Variants in DCC observed in about 807,000 individuals in gnomAD.
The protein encoded by DCC is netrin receptor DCC.
A neutral mutation model predicts 172.5 loss-of-function variants in DCC; 58 were observed. That is an observed-to-expected ratio of 0.34 (90% CI 0.27 to 0.42). DCC has a LOEUF of 0.42. Ranked by LOEUF, DCC falls within the 10% of genes least tolerant of loss-of-function variation. DCC has a pLI of 1.00. For missense variants in DCC, 1,740 were observed against 1,791.0 expected, an observed-to-expected ratio of 0.97 and a Z score of 0.51; for synonymous variants, 709 against 644.5, an observed-to-expected ratio of 1.10 and a Z score of -1.52.
intron 9 of DCC, among the ~76,000 whole-genome samples, chr18:53,196,996 C>G (rs1387596042): frequency 6.6e-6 from 1 of 152,014 alleles, no homozygotes; most frequent in Admixed American, 6.6e-5. Context: ...TTTGATGTTG[C>G]ATTCCCCATA....
intron 7 of DCC, among the ~76,000 whole-genome samples, chr18:53,067,517 G>A (rs1160837817): frequency 4.6e-5 from 7 of 152,072 alleles, no homozygotes; most frequent in African/African-American, 1.7e-4. Flanking sequence ...GCAAGACTCT[G>A]TCACAAAAAA....
intron 3 of DCC, among the ~76,000 whole-genome samples, chr18:52,907,741 C>T (rs555099315): frequency 7.2e-5 from 11 of 152,204 alleles, no homozygotes; most frequent in African/African-American, 2.6e-4. Flanking sequence ...ACTTACTTGT[C>T]CATTCACATG....
At chr18:52,707,913 G>A (rs2036235406) in intron 1 of DCC, among the ~76,000 whole-genome samples, 1 of 152,150 alleles carries the variant, frequency 6.6e-6, no homozygotes, top group South Asian at 2.1e-4. Context: ...AGTTAGATAG[G>A]AGAAGTAAGT....
chr18:52,584,168 G>A (rs2033618329), intron 1 of DCC, among the ~76,000 whole-genome samples: 1 of 152,142 alleles, frequency 6.6e-6, no homozygotes, highest in South Asian at 2.1e-4. Context: ...CTTCTTTGAT[G>A]AATTCTACAC....
At chr18:52,957,823 G>A (rs181695487) in intron 5 of DCC, among the ~76,000 whole-genome samples, 3 of 152,164 alleles carry the variant, frequency 2.0e-5, no homozygotes, top group East Asian at 1.9e-4. Flanking sequence ...GGTTTAAGAG[G>A]CAAGCAAGAA....
intron 5 of DCC, among the ~76,000 whole-genome samples, chr18:53,040,367 A>T (rs185275809): frequency 6.6e-6 from 1 of 152,094 alleles, no homozygotes; most frequent in East Asian, 1.9e-4. Flanking sequence ...TGTATTCTGT[A>T]AAACCAGAAT....
At chr18:52,713,705 A>G (rs1353043299) in intron 1 of DCC, among the ~76,000 whole-genome samples, 18 of 152,098 alleles carry the variant, frequency 1.2e-4, no homozygotes, top group Admixed American at 1.2e-3. Context: ...ATTTCAGGTT[A>G]TTTGTCATCT....
At chr18:52,699,409 TC>T (rs777804525) in intron 1 of DCC, among the ~76,000 whole-genome samples, 1 of 151,840 alleles carries the variant, frequency 6.6e-6, no homozygotes, top group Admixed American at 6.6e-5. Flanking sequence ...TTATCCCCTA[TC>T]CCCCCCAAGG....
chr18:53,277,071 T>C (rs973145274), intron 12 of DCC, among the ~76,000 whole-genome samples: 1 of 152,270 alleles, frequency 6.6e-6, no homozygotes, highest in Admixed American at 6.5e-5. Context: ...TGTAAGTGCA[T>C]ACAAGTTTTT....
chr18:52,989,664 T>C (rs1489287648), intron 5 of DCC, among the ~76,000 whole-genome samples: 1 of 152,176 alleles, frequency 6.6e-6, no homozygotes, highest in Non-Finnish European at 1.5e-5. Flanking sequence ...AACACACACA[T>C]GTACTCACAC....
At chr18:52,431,780 A>T (rs1987633600) in intron 1 of DCC, among the ~76,000 whole-genome samples, 2 of 152,118 alleles carry the variant, frequency 1.3e-5, no homozygotes, top group African/African-American at 4.8e-5. Context: ...ATCACCACTT[A>T]TCAAGTGTCT....
intron 2 of DCC, among the ~76,000 whole-genome samples, chr18:52,789,392 T>C (rs1257856599): frequency 1.3e-5 from 2 of 152,050 alleles, no homozygotes; most frequent in South Asian, 2.1e-4. Context: ...AATGATTCAG[T>C]TGACTGAGAA....
chr18:52,434,042 T>A (rs1056335472), intron 1 of DCC, among the ~76,000 whole-genome samples: 8 of 152,214 alleles, frequency 5.3e-5, no homozygotes, highest in Non-Finnish European at 1.2e-4. Flanking sequence ...CCATTTCAAT[T>A]ATTGATTAGC....
intron 5 of DCC, among the ~76,000 whole-genome samples, chr18:53,006,426 T>G (rs1568240363): frequency 6.6e-6 from 1 of 152,070 alleles, no homozygotes; most frequent in Non-Finnish European, 1.5e-5. Flanking sequence ...AAATGCAACC[T>G]AATAAAATGA....
chr18:52,995,830 C>A (rs2041468778), intron 5 of DCC, among the ~76,000 whole-genome samples: 1 of 151,916 alleles, frequency 6.6e-6, no homozygotes. Flanking sequence ...GCCTAGTCAC[C>A]TGGACTGAAC....
At chr18:52,363,723 G>A (rs573370446) in intron 1 of DCC, among the ~76,000 whole-genome samples, 1 of 152,166 alleles carries the variant, frequency 6.6e-6, no homozygotes, top group Non-Finnish European at 1.5e-5. Flanking sequence ...TGTTCAAATT[G>A]CTGAAATATT....
At chr18:52,545,397 G>T (rs941219871) in intron 1 of DCC, among the ~76,000 whole-genome samples, 12 of 152,160 alleles carry the variant, frequency 7.9e-5, no homozygotes, top group Non-Finnish European at 1.5e-4. Flanking sequence ...TCTCTTGGTT[G>T]GTCACTCCAC....
chr18:52,517,212 G>C (rs1473847734), intron 1 of DCC, among the ~76,000 whole-genome samples: 1 of 152,170 alleles, frequency 6.6e-6, no homozygotes, highest in African/African-American at 2.4e-5. Context: ...TTTCATATCT[G>C]TTCTAGATGA....
intron 1 of DCC, among the ~76,000 whole-genome samples, chr18:52,533,137 CCT>C (rs1212524812): frequency 6.6e-6 from 1 of 152,008 alleles, no homozygotes; most frequent in Non-Finnish European, 1.5e-5. Flanking sequence ...TACCCTTTAC[CCT>C]GTTTCCCCCA....
Sources: gnomAD v4.1 joint callset for allele counts (sites outside exome capture counted in the v4.1 genomes callset) on GRCh38, gnomAD v4.1.1 for gene constraint, MANE v1.5 for transcripts, NCBI Gene and HGNC (gene_info 2026-07-23, HGNC 2026-07-21) for gene names.